CUZD1: variants seen among roughly 807,000 people sequenced by gnomAD.
CUZD1 encodes the protein CUB and zona pellucida-like domain-containing protein 1.
CUZD1 carries 42 observed loss-of-function variants against 53.1 expected under a neutral mutation model. The ratio of observed to expected loss-of-function variants is 0.79; its 90% CI spans 0.62 to 1.02. The LOEUF is 1.02. Among genes scored for constraint, CUZD1 ranks in the 50% least tolerant of loss-of-function variants. The pLI, the probability that CUZD1 is intolerant of heterozygous loss-of-function variation, is 0.00. For synonymous variants in CUZD1, 238 were observed against 257.2 expected, an observed-to-expected ratio of 0.93 and a Z score of 0.71; for missense variants, 670 against 715.7, an observed-to-expected ratio of 0.94 and a Z score of 0.73.
In CUZD1 at chr10:122,845,757, C is replaced by G. The variant is rs1186890240; in HGVS notation, c.82+5G>C. On this transcript the variant is annotated splice_donor_5th_base_variant and intron_variant, in intron 1 of 8. Transcript: ENST00000392790. ...TGGTGAATAAATCTGGTTCAATTTT[C>G]TTACCTTCAGCCTCCGCCATTGTCA... 1.2e-5 allele frequency: 19 copies of G among 1,612,730 alleles called. No homozygotes were observed. The highest frequency in any genetic ancestry group is 1.4e-5 in the Non-Finnish European group (17 of 1,179,444).
rs769946487 is a variant in CUZD1, at chr10:122,841,331, G to A, written c.83-3C>T. 9.4e-6 allele frequency: 15 copies of A among 1,592,824 alleles called. No homozygotes were observed. The Middle Eastern group carries it at 5.1e-4, about 54-fold the overall frequency. ...ACTGACTGTGCAGCTTGCATTGCCT[G>A]TTAGAGATCACAGATGGCACTCAGG... On this transcript the variant is annotated splice_region_variant and splice_polypyrimidine_tract_variant and intron_variant, in intron 1 of 8. Transcript: ENST00000392790.
At chr10:122,845,686 T>C (rs187893580) in intron 1 of CUZD1, 76 bp downstream of exon 1, 18 of 1,286,058 alleles carry the variant, frequency 1.4e-5, no homozygotes, top group Admixed American at 4.0e-5. Context: ...ATAAACACTT[T>C]GAAAAATTTT....
chr10:122,841,600 G>A (rs1847347005), intron 1 of CUZD1, among the ~76,000 whole-genome samples: 1 of 152,198 alleles, frequency 6.6e-6, no homozygotes. Context: ...ATATGAACAT[G>A]TGTCTTTATT....
intron 1 of CUZD1, among the ~76,000 whole-genome samples, chr10:122,842,040 T>A (rs1435635320): frequency 6.6e-6 from 1 of 152,142 alleles, no homozygotes; most frequent in Non-Finnish European, 1.5e-5. Context: ...CATCTGCAAT[T>A]TGAAAATATT....
intron 1 of CUZD1, among the ~76,000 whole-genome samples, chr10:122,841,851 T>C (rs962349144): frequency 2.0e-5 from 3 of 152,224 alleles, no homozygotes; most frequent in African/African-American, 7.2e-5. Context: ...TGGTTTTAAC[T>C]TACATTTCCC....
At chr10:122,841,997 T>A (rs1295656469) in intron 1 of CUZD1, among the ~76,000 whole-genome samples, 1 of 152,146 alleles carries the variant, frequency 6.6e-6, no homozygotes, top group Non-Finnish European at 1.5e-5. Flanking sequence ...TTTTGAGAGT[T>A]TTTTATATAT....
Position 122,839,049 on chromosome 10 carries a change from A to G in CUZD1, c.416T>C (p.Phe139Ser). 6.2e-7 allele frequency: 1 copy of G among 1,614,122 alleles called. No individual in the cohort carries two copies. The highest frequency in any genetic ancestry group is 8.5e-7 in the Non-Finnish European group (1 of 1,179,950). The change falls in exon 3 of 9, where the codon TTT becomes TCT. Residue 139 changes from phenylalanine to serine, a missense_variant. Transcript: ENST00000392790. ...TDSARIQRTV[F>S]VFYYFFSPNI... ...AGGAGAGAAGAAGTAGTAGAAGACA[A>G]AGACAGTTCTTTGAATTCTTGCTGA...
chr10:122,843,065 G>C (rs1847368864), intron 1 of CUZD1, among the ~76,000 whole-genome samples: 1 of 152,166 alleles, frequency 6.6e-6, no homozygotes, highest in African/African-American at 2.4e-5. Flanking sequence ...TTCCTCAAAA[G>C]AGTAAACATA....
chr10:122,843,481 A>G (rs973846497), intron 1 of CUZD1, among the ~76,000 whole-genome samples: 1 of 152,240 alleles, frequency 6.6e-6, no homozygotes, highest in Non-Finnish European at 1.5e-5. Flanking sequence ...AGGAAATAAC[A>G]GCAAGGAAAA....
rs1439305857 is a variant in CUZD1, at chr10:122,841,362, C to G, written c.83-34G>C. 2.6e-6 allele frequency: 4 copies of G among 1,562,698 alleles called. 1 individual carries two copies. In the Admixed American group the frequency reaches 7.7e-5, roughly 30 times the overall value. On this transcript the variant is annotated intron_variant, in intron 1 of 8. Transcript: ENST00000392790. ...GATCACAGATGGCACTCAGGAAAGTCAACAGGCCCTTTCCCCTCCCTGAGA... is the reference window on the plus strand; with the variant it reads ...GATCACAGATGGCACTCAGGAAAGTGAACAGGCCCTTTCCCCTCCCTGAGA...
At chr10:122,842,162 T>C (rs1168184141) in intron 1 of CUZD1, among the ~76,000 whole-genome samples, 1 of 152,220 alleles carries the variant, frequency 6.6e-6, no homozygotes, top group Non-Finnish European at 1.5e-5. Flanking sequence ...TTATGGGTTG[T>C]GCTTTTGGTG....
In CUZD1 at chr10:122,833,653, G is replaced by T; in HGVS notation, c.1651+19C>A. Reference sequence around the variant, plus strand: ...GAGCCATGATGTGCTTTTGGATCATGGAATAGCTTTTTTCTTACCTGAATT... The same window carrying T: ...GAGCCATGATGTGCTTTTGGATCATTGAATAGCTTTTTTCTTACCTGAATT... On this transcript the variant is annotated intron_variant, in intron 8 of 8. Coordinates refer to ENST00000392790, the MANE Select transcript of CUZD1 (RefSeq NM_022034.6). 6.2e-7 allele frequency: 1 copy of T among 1,608,356 alleles called. No homozygotes were observed. The highest frequency in any genetic ancestry group is 1.1e-5 in the South Asian group (1 of 90,446).
At chr10:122,833,115 GGCTTATCTTAA>G (rs1283940677) in intron 8 of CUZD1, among the ~76,000 whole-genome samples, 1 of 151,970 alleles carries the variant, frequency 6.6e-6, no homozygotes, top group Non-Finnish European at 1.5e-5. Flanking sequence ...CTTTCATTAA[GGCTTATCTTAA>G]GCCATTTAAT....
intron 3 of CUZD1, among the ~76,000 whole-genome samples, chr10:122,838,705 A>AC (rs1023671397): frequency 2.0e-5 from 3 of 152,212 alleles, no homozygotes; most frequent in African/African-American, 7.2e-5. Context: ...CTAACACAGT[A>AC]CCCCTCAATA....
intron 6 of CUZD1, 151 bp from the exon 7 acceptor site, chr10:122,835,248 T>C: frequency 2.1e-6 from 1 of 482,770 alleles, no homozygotes; most frequent in Non-Finnish European, 3.5e-6. Flanking sequence ...CTTAAATGTA[T>C]TTCATTGAAG....
chr10:122,836,931 T>C lies in CUZD1; in HGVS notation c.717A>G (p.Ser239=), dbSNP rs1384467316. Residue 239 remains serine (S), a synonymous_variant, in exon 5 of 9, where the codon TCA becomes TCG. Transcript: ENST00000392790. ...ACAACACGACAGTCAGAGAGTTTGA[T>C]GACGATTCGAAGGTGGGAGTCACAC... ...CGRVTPTFES[S]SNSLTVVLST... The C allele has an allele frequency of 1.9e-6, 3 of 1,613,996 alleles. No individual in the cohort carries two copies. Among genetic ancestry groups the C allele is most frequent in the Non-Finnish European group, 1.7e-6 (2 of 1,180,004 alleles).
At chr10:122,840,519 A>G (rs1410163766) in intron 2 of CUZD1, among the ~76,000 whole-genome samples, 2 of 152,042 alleles carry the variant, frequency 1.3e-5, no homozygotes, top group Non-Finnish European at 2.9e-5. Context: ...TTTCTTATCT[A>G]TAGAATGGGG....
intron 3 of CUZD1, among the ~76,000 whole-genome samples, chr10:122,838,358 A>G (rs1287906111): frequency 2.0e-5 from 3 of 152,194 alleles, no homozygotes; most frequent in Non-Finnish European, 2.9e-5. Flanking sequence ...AGAAATCCAC[A>G]GTGGAGCTCT....
At chr10:122,834,068 C>G (rs887928632) in intron 7 of CUZD1, 128 bp from the exon 8 acceptor site, 4 of 756,948 alleles carry the variant, frequency 5.3e-6, no homozygotes, top group African/African-American at 3.5e-5. Flanking sequence ...CTAGTTCACA[C>G]TACAGTGAGT....
Sources: allele counts gnomAD v4.1 joint callset (sites outside exome capture counted in the v4.1 genomes callset), GRCh38; gene constraint gnomAD v4.1.1; transcripts MANE v1.5; gene names NCBI Gene and HGNC (gene_info 2026-07-23, HGNC 2026-07-21).